Variants in LRFN2 observed in about 807,000 individuals in gnomAD.
LRFN2 encodes the protein leucine rich repeat and fibronectin type III domain containing 2, also known as leucine-rich repeat and fibronectin type-III domain-containing protein 2.
A neutral mutation model predicts 37.3 loss-of-function variants in LRFN2; 18 were observed. The observed-to-expected ratio is 0.48, with a 90% CI of 0.33 to 0.72. LRFN2 has a LOEUF of 0.72. Ranked by LOEUF, LRFN2 falls within the 30% of genes least tolerant of loss-of-function variation. The probability of loss-of-function intolerance (pLI) is 0.02; values close to 1 mark genes in which losing one functional copy is unlikely to be tolerated. For missense variants in LRFN2, 1,006 were observed against 1,060.7 expected, an observed-to-expected ratio of 0.95 and a Z score of 0.72; for synonymous variants, 556 against 466.6, an observed-to-expected ratio of 1.19 and a Z score of -2.47.
intron 1 of LRFN2, among the ~76,000 whole-genome samples, chr6:40,551,322 G>T (rs1370792430): frequency 6.6e-6 from 1 of 152,194 alleles, no homozygotes; most frequent in African/African-American, 2.4e-5. Flanking sequence ...CAAGAAAGCA[G>T]GGTATATAGA....
chr6:40,527,256 C>T (rs760348156), intron 1 of LRFN2, among the ~76,000 whole-genome samples: 2 of 152,144 alleles, frequency 1.3e-5, no homozygotes, highest in Admixed American at 1.3e-4. Context: ...AGGGCCTTCT[C>T]TAACAATGCA....
chr6:40,551,359 G>A (rs763888554), intron 1 of LRFN2, among the ~76,000 whole-genome samples: 4 of 152,180 alleles, frequency 2.6e-5, no homozygotes, highest in Non-Finnish European at 5.9e-5. Flanking sequence ...ACGTCAGCTC[G>A]AGGAGGACAA....
At chr6:40,451,201 AT>A (rs1309778068) in intron 1 of LRFN2, among the ~76,000 whole-genome samples, 10 of 152,126 alleles carry the variant, frequency 6.6e-5, no homozygotes, top group Non-Finnish European at 1.5e-4. Context: ...GTGATCATGC[AT>A]TTTTCTGTAA....
At chr6:40,420,729 C>T (rs1225025435) in intron 2 of LRFN2, among the ~76,000 whole-genome samples, 2 of 152,254 alleles carry the variant, frequency 1.3e-5, no homozygotes, top group Non-Finnish European at 2.9e-5. Context: ...ATACAATAAG[C>T]TAGCAGCAAA....
At chr6:40,515,613 G>A (rs1378569145) in intron 1 of LRFN2, among the ~76,000 whole-genome samples, 1 of 152,218 alleles carries the variant, frequency 6.6e-6, no homozygotes. Flanking sequence ...TTCCGGCTGG[G>A]CGCGGTGGCT....
Position 40,432,817 on chromosome 6 carries a change from G to T in LRFN2, c.297C>A (p.Leu99=), listed in dbSNP as rs187891955. ...SHIQPFSFLD[L]ESLRSLHLDS... is the part of the protein sequence containing the mutation. ...CAAGATGCAGGGAGCGGAGGCTCTCGAGGTCCAGAAAGGAAAAGGGCTGGA... is the reference window on the plus strand; with the variant it reads ...CAAGATGCAGGGAGCGGAGGCTCTCTAGGTCCAGAAAGGAAAAGGGCTGGA... The change falls in exon 2 of 3, where the codon CTC becomes CTA. Residue 99 remains leucine, a synonymous_variant. Coordinates refer to ENST00000338305, the MANE Select transcript of LRFN2 (RefSeq NM_020737.3). The T allele has an allele frequency of 2.5e-6, 4 of 1,614,208 alleles. No homozygotes were observed. The South Asian group carries it at 3.3e-5, about 13-fold the overall frequency.
intron 1 of LRFN2, among the ~76,000 whole-genome samples, chr6:40,486,951 G>A (rs1294008733): frequency 6.6e-6 from 1 of 152,198 alleles, no homozygotes; most frequent in Non-Finnish European, 1.5e-5. Context: ...GCTACTAGGT[G>A]TTCACAGGTT....
intron 2 of LRFN2, among the ~76,000 whole-genome samples, chr6:40,414,421 C>T (rs749932656): frequency 5.3e-5 from 8 of 152,158 alleles, no homozygotes; most frequent in Non-Finnish European, 8.8e-5. Context: ...AATACCAGCA[C>T]CTTTTTTGTC....
In LRFN2 at chr6:40,398,842, A is replaced by T. The variant is rs1762668011; in HGVS notation, c.1401-5930T>A. Among the ~76,000 whole-genome samples, 3 of 151,776 alleles carry T rather than the reference A, an allele frequency of 2.0e-5. No individual in the cohort carries two copies. In the South Asian group the frequency reaches 6.2e-4, roughly 32 times the overall value. ...TGTTAATATTATTTTGGCATTGTTC[A>T]TTCAGCTTAACACTAGCACACAAAT... On this transcript the variant is annotated intron_variant, in intron 2 of 2. Transcript: ENST00000338305.
intron 1 of LRFN2, among the ~76,000 whole-genome samples, chr6:40,460,589 C>T (rs372620842): frequency 6.6e-6 from 1 of 152,192 alleles, no homozygotes; most frequent in Admixed American, 6.5e-5. Flanking sequence ...CCAATTATCC[C>T]AATTACCTCT....
intron 1 of LRFN2, among the ~76,000 whole-genome samples, chr6:40,582,512 T>C (rs1162982673): frequency 6.6e-6 from 1 of 152,028 alleles, no homozygotes; most frequent in Non-Finnish European, 1.5e-5. Context: ...CACCTATATC[T>C]TGTCTCTATA....
Position 40,432,889 on chromosome 6 carries a change from C to T in LRFN2, c.225G>A (p.Met75Ile). Residue 75 changes from methionine (M) to isoleucine (I), a missense_variant, in exon 2 of 3, where the codon ATG becomes ATA. Transcript: ENST00000338305. ...ACAGGGTCAGGTCCACCAGCCCCGT[C>T]ATGTTGGCAAAGTCCTGGCGGCTGA... ...IHISRQDFAN[M>I]TGLVDLTLSR... is the part of the protein sequence containing the mutation. 1 of 1,614,244 alleles carries T rather than the reference C, an allele frequency of 6.2e-7. No homozygotes were observed. The highest frequency in any genetic ancestry group is 8.5e-7 in the Non-Finnish European group (1 of 1,180,046).
At chr6:40,450,557 C>A (rs1269407307) in intron 1 of LRFN2, among the ~76,000 whole-genome samples, 4 of 152,186 alleles carry the variant, frequency 2.6e-5, no homozygotes, top group Admixed American at 2.6e-4. Flanking sequence ...GTGCTGGAAG[C>A]CTGCAAGGAG....
In LRFN2 at chr6:40,431,935, C is replaced by T; in HGVS notation, c.1179G>A (p.Lys393=). The T allele has an allele frequency of 6.2e-7, 1 of 1,613,428 alleles. No homozygotes were observed. Among genetic ancestry groups the T allele is most frequent in the Non-Finnish European group, 8.5e-7 (1 of 1,179,764 alleles). The change falls in exon 2 of 3, where the codon AAG becomes AAA. Residue 393 remains lysine (K), a synonymous_variant. Transcript: ENST00000338305. The part of the protein sequence containing the change: ...SNSTSRTAPP[K]SRLSDITGSS... ...AGCCAGTGATGTCTGAGAGGCGGGACTTGGGGGGTGCAGTGCGGCTGGTGC... is the reference window on the plus strand; with the variant it reads ...AGCCAGTGATGTCTGAGAGGCGGGATTTGGGGGGTGCAGTGCGGCTGGTGC...
chr6:40,452,738 G>A (rs1764140527), intron 1 of LRFN2, among the ~76,000 whole-genome samples: 1 of 152,132 alleles, frequency 6.6e-6, no homozygotes, highest in South Asian at 2.1e-4. Context: ...CCAACCGTAT[G>A]AACATTATGG....
At chr6:40,538,566 C>T (rs897270263) in intron 1 of LRFN2, among the ~76,000 whole-genome samples, 5 of 152,276 alleles carry the variant, frequency 3.3e-5, no homozygotes, top group African/African-American at 9.6e-5. Context: ...GTCCTTGCTG[C>T]GCAAGATCCT....
chr6:40,501,891 C>T (rs924361824), intron 1 of LRFN2: 7 of 152,134 alleles, frequency 4.6e-5, no homozygotes, highest in African/African-American at 1.7e-4. Context: ...CACGCATCCT[C>T]GGTAGCCTGA....
At chr6:40,555,317 C>T (rs445735) in intron 1 of LRFN2, among the ~76,000 whole-genome samples, 4 of 152,194 alleles carry the variant, frequency 2.6e-5, no homozygotes, top group Admixed American at 6.5e-5. Flanking sequence ...CTGAGGGTTG[C>T]GGTGGGGAGG....
In LRFN2 at chr6:40,432,078, T is replaced by C; in HGVS notation, c.1036A>G (p.Ile346Val). 6.2e-7 allele frequency: 1 copy of C among 1,614,098 alleles called. No homozygotes were observed. Among genetic ancestry groups the C allele is most frequent in the Non-Finnish European group, 8.5e-7 (1 of 1,180,016 alleles). The change falls in exon 2 of 3, where the codon ATC becomes GTC. Residue 346 changes from isoleucine (I) to valine (V), a missense_variant. By Grantham distance (29) the Ile-to-Val change is conservative. Around this residue, in one of 4 missense-constraint regions of LRFN2, gnomAD observed 303 missense variants for 299.8 expected, o/e 1.01. Coordinates refer to ENST00000338305, the MANE Select transcript of LRFN2 (RefSeq NM_020737.3). ...CTGTCCTGAGATGTGGTGATGAAGA[T>C]GTCCAGGGTGCCATTGTCATAGACA... ...TAVYDNGTLD[I>V]FITTSQDSGA...
Sources: gnomAD v4.1 joint callset for allele counts (sites outside exome capture counted in the v4.1 genomes callset) on GRCh38, gnomAD v4.1.1 for gene constraint, gnomAD v4.1.1 regional missense constraint, MANE v1.5 for transcripts, NCBI Gene and HGNC (gene_info 2026-07-23, HGNC 2026-07-21) for gene names.